Variants in CNTNAP2 observed in about 807,000 individuals in gnomAD.
The protein encoded by CNTNAP2 is contactin-associated protein-like 2.
In CNTNAP2, 98 loss-of-function variants were observed where a neutral mutation model predicts 155.2. The observed-to-expected ratio is 0.63, with a 90% CI of 0.54 to 0.75. The LOEUF is 0.75. Ranked by LOEUF, CNTNAP2 falls within the 30% of genes least tolerant of loss-of-function variation. The pLI is 0.00. For synonymous variants in CNTNAP2, 651 were observed against 631.2 expected (o/e 1.03, Z -0.47); for missense variants, 1,727 against 1,688.1 (o/e 1.02, Z -0.40).
At chr7:146,426,671 G>A (rs1380045817) in intron 1 of CNTNAP2, among the ~76,000 whole-genome samples, 1 of 144,340 alleles carries the variant, frequency 6.9e-6, no homozygotes, top group East Asian at 2.0e-4. Flanking sequence ...AAAAGAAAGA[G>A]TAAAATGCTA....
intron 8 of CNTNAP2, among the ~76,000 whole-genome samples, chr7:147,228,120 A>C (rs2116611329): frequency 6.6e-6 from 1 of 152,274 alleles, no homozygotes; most frequent in African/African-American, 2.4e-5. Flanking sequence ...GAGGACTGAA[A>C]ATAATGATGA....
At chr7:146,973,358 A>G (rs1797842906) in intron 3 of CNTNAP2, among the ~76,000 whole-genome samples, 3 of 152,170 alleles carry the variant, frequency 2.0e-5, no homozygotes, top group Admixed American at 2.0e-4. Context: ...CACTCAATAG[A>G]TACACATGGT....
intron 9 of CNTNAP2, among the ~76,000 whole-genome samples, chr7:147,349,667 G>T (rs781415412): frequency 1.3e-5 from 2 of 151,852 alleles, no homozygotes; most frequent in East Asian, 1.9e-4. Flanking sequence ...CTTCTCATTT[G>T]TCTATCTGCC....
chr7:146,280,559 C>G (rs1040259885), intron 1 of CNTNAP2, among the ~76,000 whole-genome samples: 1 of 152,092 alleles, frequency 6.6e-6, no homozygotes, highest in Non-Finnish European at 1.5e-5. Context: ...AGTAATGAAC[C>G]CTCATTGGAG....
At chr7:147,305,869 C>T (rs1467217098) in intron 9 of CNTNAP2, among the ~76,000 whole-genome samples, 1 of 152,106 alleles carries the variant, frequency 6.6e-6, no homozygotes, top group Non-Finnish European at 1.5e-5. Context: ...AGGGGAGGAT[C>T]CTTCAACTCC....
intron 3 of CNTNAP2, among the ~76,000 whole-genome samples, chr7:147,028,959 C>CTTTTTTTTTTTTTTT: frequency 9.6e-6 from 1 of 103,744 alleles, no homozygotes; most frequent in Non-Finnish European, 1.8e-5. Flanking sequence ...AAGATATGTT[C>CTTTTTTTTTTTTTTT]TTTTTTTTTT....
intron 9 of CNTNAP2, among the ~76,000 whole-genome samples, chr7:147,351,525 C>T (rs1584892157): frequency 6.6e-6 from 1 of 151,614 alleles, no homozygotes; most frequent in Non-Finnish European, 1.5e-5. Context: ...TATGTTTTGC[C>T]TATGTTTAAT....
chr7:147,589,071 T>C (rs1290073469), intron 12 of CNTNAP2, among the ~76,000 whole-genome samples: 1 of 152,214 alleles, frequency 6.6e-6, no homozygotes, highest in Non-Finnish European at 1.5e-5. Flanking sequence ...TATCATTTCC[T>C]TGAGCTGTGA....
rs200615202 is a variant in CNTNAP2 at position 147,599,072 on chromosome 7, C to A, written c.1897+36815C>A. ...TACATTGGGCTAAAATAAACTGTCC[C>A]AATATATAAGGACCACGTTGTAAAA... On this transcript the variant is annotated intron_variant, in intron 12 of 23. Coordinates refer to ENST00000361727, the MANE Select transcript of CNTNAP2 (RefSeq NM_014141.6). Among the ~76,000 whole-genome samples the A allele has an allele frequency of 1.8e-4, 28 of 152,190 alleles. No individual in the cohort carries two copies. In the East Asian group the frequency reaches 2.3e-3, roughly 13 times the overall value.
intron 13 of CNTNAP2, among the ~76,000 whole-genome samples, chr7:147,814,179 T>C (rs922044518): frequency 7.2e-5 from 11 of 152,214 alleles, no homozygotes; most frequent in Admixed American, 1.3e-4. Flanking sequence ...CTAGTTCTTT[T>C]ATTTTCCTAG....
chr7:147,752,821 G>A (rs1043801854), intron 13 of CNTNAP2, among the ~76,000 whole-genome samples: 2 of 152,120 alleles, frequency 1.3e-5, no homozygotes, highest in African/African-American at 4.8e-5. Context: ...ACATTATTTT[G>A]AATAGTATTT....
intron 3 of CNTNAP2, among the ~76,000 whole-genome samples, chr7:146,930,536 A>T (rs917309566): frequency 3.3e-5 from 5 of 152,224 alleles, no homozygotes; most frequent in South Asian, 2.1e-4. Flanking sequence ...TCAACTAACG[A>T]ACAAAATAAC....
At chr7:146,460,960 C>T (rs1164728852) in intron 1 of CNTNAP2, among the ~76,000 whole-genome samples, 2 of 152,138 alleles carry the variant, frequency 1.3e-5, no homozygotes, top group South Asian at 2.1e-4. Flanking sequence ...TTTTGAAAAT[C>T]GCATAGATCC....
intron 21 of CNTNAP2, among the ~76,000 whole-genome samples, chr7:148,333,512 T>C (rs1038214434): frequency 6.6e-6 from 1 of 152,134 alleles, no homozygotes; most frequent in African/African-American, 2.4e-5. Context: ...CTTTTCCTAC[T>C]GCTGAAATTT....
chr7:147,329,457 G>T (rs12113127), intron 9 of CNTNAP2, among the ~76,000 whole-genome samples: 1 of 151,924 alleles, frequency 6.6e-6, no homozygotes, highest in Non-Finnish European at 1.5e-5. Flanking sequence ...AATGGTAGAA[G>T]TTGTCTCCAA....
chr7:146,166,086 G>A (rs1281856920), intron 1 of CNTNAP2, among the ~76,000 whole-genome samples: 2 of 151,904 alleles, frequency 1.3e-5, no homozygotes, highest in Non-Finnish European at 2.9e-5. Flanking sequence ...TGTTTTTTTG[G>A]TGGTGGTGTT....
chr7:146,530,738 G>T (rs1797757978), intron 1 of CNTNAP2, among the ~76,000 whole-genome samples: 1 of 152,214 alleles, frequency 6.6e-6, no homozygotes, highest in Non-Finnish European at 1.5e-5. Context: ...TGCTGGTGAG[G>T]TTGTAGAGAA....
At chr7:146,383,924 A>T (rs528955847) in intron 1 of CNTNAP2, among the ~76,000 whole-genome samples, 141 of 152,292 alleles carry the variant, frequency 9.3e-4, no homozygotes, top group African/African-American at 2.8e-3. Flanking sequence ...ATAAGTATCA[A>T]TGAATTAGGT....
chr7:146,985,308 A>AATTTTTTTTTTTTTTTTTT, intron 3 of CNTNAP2, among the ~76,000 whole-genome samples: 1 of 127,826 alleles, frequency 7.8e-6, no homozygotes, highest in African/African-American at 3.1e-5. Flanking sequence ...AAATGCTTGA[A>AATTTTTTTTTTTTTTTTTT]TTTTTTTTTT....
Sources: allele counts gnomAD v4.1 joint callset (sites outside exome capture counted in the v4.1 genomes callset), GRCh38; gene constraint gnomAD v4.1.1; transcripts MANE v1.5; gene names NCBI Gene and HGNC (gene_info 2026-07-23, HGNC 2026-07-21).